DSCAML1: variants seen among roughly 807,000 people sequenced by gnomAD.
The protein encoded by DSCAML1 is DS cell adhesion molecule like 1, also known as cell adhesion molecule DSCAML1.
DSCAML1 carries 38 observed loss-of-function variants against 200.5 expected under a neutral mutation model. The observed-to-expected ratio is 0.19, with a 90% CI of 0.15 to 0.25. DSCAML1 has a LOEUF of 0.25. Ranked by LOEUF, DSCAML1 falls within the 10% of genes least tolerant of loss-of-function variation. The probability of loss-of-function intolerance (pLI) is 1.00; values close to 1 mark genes in which losing one functional copy is unlikely to be tolerated. For missense variants in DSCAML1, 2,223 were observed against 2,858.8 expected, an observed-to-expected ratio of 0.78 and a Z score of 5.07; for synonymous variants, 1,215 against 1,165.0, an observed-to-expected ratio of 1.04 and a Z score of -0.87.
intron 3 of DSCAML1, among the ~76,000 whole-genome samples, chr11:117,548,982 C>T (rs1306564149): frequency 6.6e-6 from 1 of 152,124 alleles, no homozygotes; most frequent in Non-Finnish European, 1.5e-5. Flanking sequence ...CTTACTGGTT[C>T]TCATAAGGGG....
intron 4 of DSCAML1, among the ~76,000 whole-genome samples, chr11:117,529,171 C>T (rs1375001118): frequency 6.6e-6 from 1 of 152,076 alleles, no homozygotes; most frequent in Admixed American, 6.6e-5. Context: ...CTCTGCCTCC[C>T]TGGTTCAAGC....
At chr11:117,602,620 C>T (rs1300095767) in intron 3 of DSCAML1, among the ~76,000 whole-genome samples, 3 of 152,058 alleles carry the variant, frequency 2.0e-5, no homozygotes, top group African/African-American at 4.8e-5. Flanking sequence ...CTCAGCCTCC[C>T]GAAGTGCTGG....
chr11:117,472,308 A>G (rs2048702610), intron 14 of DSCAML1, among the ~76,000 whole-genome samples: 1 of 152,162 alleles, frequency 6.6e-6, no homozygotes, highest in Non-Finnish European at 1.5e-5. Context: ...ACGTTCCCCA[A>G]GGTCCCTGCC....
chr11:117,567,670 C>A (rs1296949680), intron 3 of DSCAML1, among the ~76,000 whole-genome samples: 1 of 152,252 alleles, frequency 6.6e-6, no homozygotes, highest in East Asian at 1.9e-4. Context: ...AAGACTAAAC[C>A]AGGAAGAAGC....
chr11:117,793,205 C>T (rs372627165), intron 1 of DSCAML1, among the ~76,000 whole-genome samples: 3 of 152,180 alleles, frequency 2.0e-5, no homozygotes, highest in Non-Finnish European at 2.9e-5. Context: ...ACCCTGCCAT[C>T]GCTGCTGCCT....
At chr11:117,549,678 C>T (rs534400092) in intron 3 of DSCAML1, among the ~76,000 whole-genome samples, 93 of 152,346 alleles carry the variant, frequency 6.1e-4, no homozygotes, top group South Asian at 5.0e-3. Flanking sequence ...ACGTCTACAT[C>T]GGTACACTCC....
intron 3 of DSCAML1, among the ~76,000 whole-genome samples, chr11:117,616,650 G>GGGA (rs1275419355): frequency 1.3e-5 from 2 of 152,182 alleles, no homozygotes; most frequent in Admixed American, 1.3e-4. Context: ...TTGGGGAGGA[G>GGGA]GGAGTTAGTG....
intron 3 of DSCAML1, among the ~76,000 whole-genome samples, chr11:117,684,435 T>TAAAA (rs149958154): frequency 7.2e-3 from 534 of 73,760 alleles, no homozygotes; most frequent in Non-Finnish European, 0.011. Flanking sequence ...TTTCATTAAC[T>TAAAA]AAAAAAAAAA....
intron 3 of DSCAML1, among the ~76,000 whole-genome samples, chr11:117,542,143 C>G (rs1469159767): frequency 2.0e-5 from 3 of 152,028 alleles, no homozygotes; most frequent in Non-Finnish European, 4.4e-5. Flanking sequence ...AACCCCGTCT[C>G]TACTAAAATA....
intron 3 of DSCAML1, among the ~76,000 whole-genome samples, chr11:117,686,645 G>C (rs746734679): frequency 5.3e-5 from 8 of 152,210 alleles, no homozygotes; most frequent in Non-Finnish European, 1.0e-4. Context: ...GCACCTTCAA[G>C]AGTCCTTTCC....
intron 3 of DSCAML1, among the ~76,000 whole-genome samples, chr11:117,627,668 C>G (rs1308603140): frequency 6.6e-6 from 1 of 152,128 alleles, no homozygotes; most frequent in Non-Finnish European, 1.5e-5. Context: ...TCGGGAACTC[C>G]TGCGCCAGGC....
At chr11:117,777,681 C>T (rs1246308726) in intron 2 of DSCAML1, among the ~76,000 whole-genome samples, 1 of 152,206 alleles carries the variant, frequency 6.6e-6, no homozygotes, top group East Asian at 1.9e-4. Context: ...GCACCCCTCC[C>T]TGACCCCCAG....
chr11:117,599,175 T>A (rs2137503688), intron 3 of DSCAML1, among the ~76,000 whole-genome samples: 1 of 152,274 alleles, frequency 6.6e-6, no homozygotes, highest in Non-Finnish European at 1.5e-5. Context: ...CCTTGATTTC[T>A]CAGGATGACC....
intron 3 of DSCAML1, among the ~76,000 whole-genome samples, chr11:117,746,138 C>T (rs987636075): frequency 1.5e-5 from 2 of 135,626 alleles, no homozygotes; most frequent in African/African-American, 2.7e-5. Context: ...AGGAGAATGG[C>T]GTGAACCCGG....
At chr11:117,455,990 C>T (rs116748756) in intron 19 of DSCAML1, among the ~76,000 whole-genome samples, 1,765 of 152,290 alleles carry the variant, frequency 0.012, 28 homozygotes, top group African/African-American at 0.039. Flanking sequence ...GAGGGTATGT[C>T]GTGCTTGGGG....
At chr11:117,726,488 T>C (rs567186902) in intron 3 of DSCAML1, among the ~76,000 whole-genome samples, 2 of 152,244 alleles carry the variant, frequency 1.3e-5, no homozygotes, top group African/African-American at 2.4e-5. Flanking sequence ...GGGTAACTCC[T>C]GACCTAAGCA....
chr11:117,754,506 G>A (rs553535257), intron 3 of DSCAML1, among the ~76,000 whole-genome samples: 10 of 152,050 alleles, frequency 6.6e-5, no homozygotes, highest in African/African-American at 1.2e-4. Context: ...ATGGGGGAGC[G>A]GGGGGTGTGA....
chr11:117,450,617 G>A lies in DSCAML1; in HGVS notation c.3640C>T (p.Pro1214Ser). 3.7e-6 allele frequency: 6 copies of A among 1,614,216 alleles called. No individual in the cohort carries two copies. Among genetic ancestry groups the A allele is most frequent in the Non-Finnish European group, 5.1e-6 (6 of 1,180,044 alleles). ...CGGATCACCCCGTTGGGCTTGGTAG[G>A]GGGGAGCCAAGACACAACCACACTG... ...ASSVVVSWLP[P>S]TKPNGVIRKY... The change falls in exon 20 of 33, where the codon CCT (proline) becomes TCT (serine). Residue 1214 changes from proline (P) to serine (S), a missense_variant. Physicochemically the swap from Pro to Ser is moderately conservative, Grantham distance 74. This residue lies in a region of DSCAML1 where 438 missense variants were observed against 629.7 expected (regional missense o/e 0.70). Transcript: ENST00000651296.
At position 117,469,822 on chromosome 11, in the gene DSCAML1, C is replaced by T; in HGVS notation, c.3024+88G>A. 1 of 1,262,322 alleles carries T rather than the reference C, an allele frequency of 7.9e-7. No homozygotes were observed. Among genetic ancestry groups the T allele is most frequent in the South Asian group, 1.8e-5 (1 of 54,848 alleles). The allele number at this position is 1,262,322 out of a possible 1,614,324, so 78.2% of individuals were successfully genotyped here. On this transcript the variant is annotated intron_variant, in intron 16 of 32. Coordinates refer to ENST00000651296, the MANE Select transcript of DSCAML1 (RefSeq NM_020693.4). The surrounding 1 kb of genome is among the most constrained non-coding windows in gnomAD (Gnocchi z 4.1). The stretch of plus-strand genomic sequence containing the variant: ...CATGGGCATCATATAAGACTAGAGA[C>T]TAGCAAGCCTGCTGGGAGCTTTCGT...
Sources: gnomAD v4.1 joint callset for allele counts (sites outside exome capture counted in the v4.1 genomes callset) on GRCh38, gnomAD v4.1.1 for gene constraint, gnomAD v4.1.1 regional missense constraint, Gnocchi (gnomAD v3.1) non-coding constraint, MANE v1.5 for transcripts, NCBI Gene and HGNC (gene_info 2026-07-23, HGNC 2026-07-21) for gene names.